OR1A2: variants seen among roughly 807,000 people sequenced by gnomAD.
OR1A2 encodes olfactory receptor family 1 subfamily A member 2, also known as olfactory receptor 1A2.
For synonymous variants in OR1A2, 131 were observed against 140.0 expected, an observed-to-expected ratio of 0.94 and a Z score of 0.46; for missense variants, 354 against 372.8, an observed-to-expected ratio of 0.95 and a Z score of 0.42.
At position 3,197,701 on chromosome 17, in the gene OR1A2, T is replaced by C. The variant is rs1280807767; in HGVS notation, c.183T>C (p.Phe61=). The C allele has an allele frequency of 6.3e-7, 1 of 1,589,848 alleles. No homozygotes were observed. Among genetic ancestry groups the C allele is most frequent in the African/African-American group, 1.3e-5 (1 of 74,480 alleles). Reference sequence around the variant, plus strand: ...TTCGCCTTCACAACCCCATGTATTTTCTCCTTGCCAACCTCTCCTTGGTTG... The same window carrying C: ...TTCGCCTTCACAACCCCATGTATTTCCTCCTTGCCAACCTCTCCTTGGTTG... The part of the protein sequence containing the change: ...ADIRLHNPMY[F]LLANLSLVDI... The change falls in exon 1 of 1, where the codon TTT becomes TTC. Residue 61 remains phenylalanine, a synonymous_variant. Transcript: ENST00000381951.
chr17:3,198,377 A>C lies in OR1A2; in HGVS notation c.859A>C (p.Ile287Leu), dbSNP rs140544152. Residue 287 changes from isoleucine (I) to leucine (L), a missense_variant, in exon 1 of 1, where the codon ATC becomes CTC. Ile to Leu is a conservative substitution (Grantham distance 5). Transcript: ENST00000381951. ...AGTGACCCCAGCATTAAATCCTTTC[A>C]TCTATAGTCTGAGAAATTGGGATAT... is the stretch of plus-strand genomic sequence containing the variant. The part of the protein sequence containing the change: ...VAVTPALNPF[I>L]YSLRNWDMKA... 6.2e-7 allele frequency: 1 copy of C among 1,613,972 alleles called. No homozygotes were observed. The highest frequency in any genetic ancestry group is 2.2e-5 in the East Asian group (1 of 44,898).
At position 3,198,109 on chromosome 17, in the gene OR1A2, G is replaced by A. The variant is rs2048370922; in HGVS notation, c.591G>A (p.Lys197=). The A allele has an allele frequency of 3.7e-6, 6 of 1,611,382 alleles. No homozygotes were observed. The highest frequency in any genetic ancestry group is 5.1e-6 in the Non-Finnish European group (6 of 1,178,800). ...GTTCTGACGTCCACTTTAATGTGAA[G>A]ATGATGTACCTAGGGGTCGGCGTTT... ...LSCSDVHFNV[K]MMYLGVGVFS... The change falls in exon 1 of 1, where the codon AAG becomes AAA. Residue 197 remains lysine (K), a synonymous_variant. Transcript: ENST00000381951.
rs1567521347 is a variant in OR1A2 at position 3,197,859 on chromosome 17, C to T, written c.341C>T (p.Thr114Ile). 6.2e-7 allele frequency: 1 copy of T among 1,612,394 alleles called. No homozygotes were observed. Among genetic ancestry groups the T allele is most frequent in the Non-Finnish European group, 8.5e-7 (1 of 1,179,032 alleles). Reference protein sequence around the residue: ...MIALAKADSYTLAAMAYDRAV... With the variant: ...MIALAKADSYILAAMAYDRAV... ...GCCTTGGCCAAGGCAGACAGCTATA[C>T]CTTGGCTGCAATGGCATACGATCGA... is the stretch of plus-strand genomic sequence containing the variant. Residue 114 changes from threonine (T) to isoleucine (I), a missense_variant, in exon 1 of 1, where the codon ACC (threonine) becomes ATC (isoleucine). By Grantham distance (89) the Thr-to-Ile change is moderately conservative. Transcript: ENST00000381951.
rs1212874858 is a variant in OR1A2, at chr17:3,197,958, G to C, written c.440G>C (p.Gly147Ala). Residue 147 changes from glycine (G) to alanine (A), a missense_variant, in exon 1 of 1, where the codon GGG (glycine) becomes GCG (alanine). By Grantham distance (60) the Gly-to-Ala change is moderately conservative. Transcript: ENST00000381951. ...SPRSCILLIA[G>A]SWVIGNTSAL... ...CGGTCTTGTATCCTGCTTATTGCTG[G>C]GTCTTGGGTGATTGGAAACACCAGT... 8 of 1,613,890 alleles carry C rather than the reference G, an allele frequency of 5.0e-6. No homozygotes were observed. The highest frequency in any genetic ancestry group is 5.9e-6 in the Non-Finnish European group (7 of 1,180,000).
chr17:3,197,769 A>G lies in OR1A2; in HGVS notation c.251A>G (p.Asn84Ser). Reference protein sequence around the residue: ...SSVTIPKVLANHLLGSKFISF... With the variant: ...SSVTIPKVLASHLLGSKFISF... ...GTAACCATCCCTAAGGTGCTGGCCA[A>G]CCATCTCTTGGGGAGCAAGTTCATC... The change falls in exon 1 of 1, where the codon AAC becomes AGC. Residue 84 changes from asparagine (N) to serine (S), a missense_variant. Coordinates refer to ENST00000381951, the MANE Select transcript of OR1A2 (RefSeq NM_012352.3). The G allele has an allele frequency of 6.3e-7, 1 of 1,596,796 alleles. No homozygotes were observed. The highest frequency in any genetic ancestry group is 8.5e-7 in the Non-Finnish European group (1 of 1,170,792).
chr17:3,198,217 A>G lies in OR1A2; in HGVS notation c.699A>G (p.Leu233=). 1 of 1,613,920 alleles carries G rather than the reference A, an allele frequency of 6.2e-7. No homozygotes were observed. The highest frequency in any genetic ancestry group is 1.1e-5 in the South Asian group (1 of 91,036). ...TVFQVPSTKS[L]FKAFCTCGSH... ...TCCAAGTTCCATCTACCAAGAGTCT[A>G]TTCAAAGCCTTCTGCACCTGTGGCT... The change falls in exon 1 of 1, where the codon CTA becomes CTG. Residue 233 remains leucine, a synonymous_variant. Coordinates refer to ENST00000381951, the MANE Select transcript of OR1A2 (RefSeq NM_012352.3).
Position 3,197,615 on chromosome 17 carries a change from TG to T in OR1A2, c.98del (p.Cys33SerfsTer7), listed in dbSNP as rs2048366244. 6.2e-7 allele frequency: 1 copy of T among 1,612,730 alleles called. No homozygotes were observed. The highest frequency in any genetic ancestry group is 1.3e-5 in the African/African-American group (1 of 74,886). On this transcript the variant is annotated frameshift_variant, in exon 1 of 1. Transcript: ENST00000381951. LOFTEE classifies it low-confidence loss of function (END_TRUNC). Reference sequence around the variant, plus strand: ...TAATGTCTTCTTTGTGATTTTTTTGTGCATTTACCCCATCACACTGACTGGA... The same window carrying T: ...TAATGTCTTCTTTGTGATTTTTTTGTCATTTACCCCATCACACTGACTGGA... ...QNNVFFVIFLCIYPITLTGNL... is the reference protein window; with the variant it reads ...QNNVFFVIFLXIYPITLTGNL...
Position 3,198,214 on chromosome 17 carries a change from T to A in OR1A2, c.696T>A (p.Ser232Arg). The change falls in exon 1 of 1, where the codon AGT (serine) becomes AGA (arginine). Residue 232 changes from serine (S) to arginine (R), a missense_variant. By Grantham distance (110) the Ser-to-Arg change is moderately radical. Transcript: ENST00000381951. ...STVFQVPSTK[S>R]LFKAFCTCGS... is the part of the protein sequence containing the mutation. ...TCTTCCAAGTTCCATCTACCAAGAG[T>A]CTATTCAAAGCCTTCTGCACCTGTG... is the stretch of plus-strand genomic sequence containing the variant. 1.2e-6 allele frequency: 2 copies of A among 1,613,632 alleles called. No individual in the cohort carries two copies. Among genetic ancestry groups the A allele is most frequent in the South Asian group, 2.2e-5 (2 of 91,028 alleles).
In OR1A2 at chr17:3,197,539, C is replaced by A; in HGVS notation, c.21C>A (p.Ser7=). The part of the protein sequence containing the change: MKKENQ[S]FNLDFILLGV... Reference sequence around the variant, plus strand: ...AAGCCATGAAGAAAGAAAATCAATCCTTTAACCTGGATTTTATTCTCCTGG... The same window carrying A: ...AAGCCATGAAGAAAGAAAATCAATCATTTAACCTGGATTTTATTCTCCTGG... The change falls in exon 1 of 1, where the codon TCC becomes TCA. Residue 7 remains serine, a synonymous_variant. Transcript: ENST00000381951. The A allele has an allele frequency of 6.2e-7, 1 of 1,607,636 alleles. No individual in the cohort carries two copies.
At position 3,197,778 on chromosome 17, in the gene OR1A2, T is replaced by G. The variant is rs1292794912; in HGVS notation, c.260T>G (p.Leu87Trp). 6.3e-7 allele frequency: 1 copy of G among 1,599,918 alleles called. No individual in the cohort carries two copies. The highest frequency in any genetic ancestry group is 8.5e-7 in the Non-Finnish European group (1 of 1,172,304). The change falls in exon 1 of 1, where the codon TTG becomes TGG. Residue 87 changes from leucine to tryptophan, a missense_variant. Physicochemically the swap from Leu to Trp is moderately conservative, Grantham distance 61. Transcript: ENST00000381951. The stretch of plus-strand genomic sequence containing the variant: ...CCTAAGGTGCTGGCCAACCATCTCT[T>G]GGGGAGCAAGTTCATCTCCTTTGGG... The part of the protein sequence containing the change: ...TIPKVLANHL[L>W]GSKFISFGGC...
At position 3,198,284 on chromosome 17, in the gene OR1A2, G is replaced by A. The variant is rs2241091; in HGVS notation, c.766G>A (p.Gly256Ser). 8 of 1,613,786 alleles carry A rather than the reference G, an allele frequency of 5.0e-6. No homozygotes were observed. The highest frequency in any genetic ancestry group is 1.3e-5 in the African/African-American group (1 of 74,850). Reference sequence around the variant, plus strand: ...TTTTTTATATTATGGTACAACGATGGGCATGTATTTCCGCCCTCTGACCAG... The same window carrying A: ...TTTTTTATATTATGGTACAACGATGAGCATGTATTTCCGCCCTCTGACCAG... ...VVFLYYGTTMGMYFRPLTSYS... is the reference protein window; with the variant it reads ...VVFLYYGTTMSMYFRPLTSYS... The change falls in exon 1 of 1, where the codon GGC (glycine) becomes AGC (serine). Residue 256 changes from glycine to serine, a missense_variant. Physicochemically the swap from Gly to Ser is moderately conservative, Grantham distance 56 (BLOSUM62 0). Transcript: ENST00000381951.
Position 3,198,221 on chromosome 17 carries a change from A to G in OR1A2, c.703A>G (p.Lys235Glu). 6.2e-7 allele frequency: 1 copy of G among 1,613,944 alleles called. No individual in the cohort carries two copies. The highest frequency in any genetic ancestry group is 8.5e-7 in the Non-Finnish European group (1 of 1,179,936). The change falls in exon 1 of 1, where the codon AAA (lysine) becomes GAA (glutamate). Residue 235 changes from lysine (K) to glutamate (E), a missense_variant. Physicochemically the swap from Lys to Glu is moderately conservative, Grantham distance 56 (BLOSUM62 1). Coordinates refer to ENST00000381951, the MANE Select transcript of OR1A2 (RefSeq NM_012352.3). ...FQVPSTKSLF[K>E]AFCTCGSHLT... is the part of the protein sequence containing the mutation. ...AGTTCCATCTACCAAGAGTCTATTCAAAGCCTTCTGCACCTGTGGCTCCCA... is the reference window on the plus strand; with the variant it reads ...AGTTCCATCTACCAAGAGTCTATTCGAAGCCTTCTGCACCTGTGGCTCCCA...
In OR1A2 at chr17:3,197,987, C is replaced by G. The variant is rs1363268162; in HGVS notation, c.469C>G (p.Leu157Val). Residue 157 changes from leucine (L) to valine (V), a missense_variant, in exon 1 of 1, where the codon CTC becomes GTC. Transcript: ENST00000381951. The part of the protein sequence containing the change: ...GSWVIGNTSA[L>V]PHTLLTASLS... The stretch of plus-strand genomic sequence containing the variant: ...TTGGGTGATTGGAAACACCAGTGCT[C>G]TCCCCCACACTCTGCTCACAGCTAG... 2.5e-6 allele frequency: 4 copies of G among 1,613,736 alleles called. No homozygotes were observed. Among genetic ancestry groups the G allele is most frequent in the Non-Finnish European group, 2.5e-6 (3 of 1,179,796 alleles).
At position 3,198,089 on chromosome 17, in the gene OR1A2, G is replaced by C; in HGVS notation, c.571G>C (p.Asp191His). ...GCCTTTGCTGAAGTTGTCCTGTTCTGACGTCCACTTTAATGTGAAGATGAT... is the reference window on the plus strand; with the variant it reads ...GCCTTTGCTGAAGTTGTCCTGTTCTCACGTCCACTTTAATGTGAAGATGAT... ...IMPLLKLSCS[D>H]VHFNVKMMYL... Residue 191 changes from aspartate (D) to histidine (H), a missense_variant, in exon 1 of 1, where the codon GAC (aspartate) becomes CAC (histidine). Coordinates refer to ENST00000381951, the MANE Select transcript of OR1A2 (RefSeq NM_012352.3). The C allele has an allele frequency of 1.2e-6, 2 of 1,609,968 alleles. No individual in the cohort carries two copies. Among genetic ancestry groups the C allele is most frequent in the Non-Finnish European group, 1.7e-6 (2 of 1,178,062 alleles).
Position 3,197,873 on chromosome 17 carries a change from G to T in OR1A2, c.355G>T (p.Ala119Ser), listed in dbSNP as rs755835186. Residue 119 changes from alanine to serine, a missense_variant, in exon 1 of 1, where the codon GCA (alanine) becomes TCA (serine). Coordinates refer to ENST00000381951, the MANE Select transcript of OR1A2 (RefSeq NM_012352.3). ...AGACAGCTATACCTTGGCTGCAATG[G>T]CATACGATCGAGCTGTGGCCATCAG... Reference protein sequence around the residue: ...KADSYTLAAMAYDRAVAISCP... With the variant: ...KADSYTLAAMSYDRAVAISCP... The T allele has an allele frequency of 6.2e-7, 1 of 1,612,792 alleles. No homozygotes were observed. Among genetic ancestry groups the T allele is most frequent in the South Asian group, 1.1e-5 (1 of 90,918 alleles).
rs2241093 is a variant in OR1A2, at chr17:3,197,533, T to C, written c.15T>C (p.Asn5=). ...CTGAAGAAGCCATGAAGAAAGAAAATCAATCCTTTAACCTGGATTTTATTC... is the reference window on the plus strand; with the variant it reads ...CTGAAGAAGCCATGAAGAAAGAAAACCAATCCTTTAACCTGGATTTTATTC... MKKE[N]QSFNLDFILL... is the part of the protein sequence containing the mutation. Residue 5 remains asparagine, a synonymous_variant, in exon 1 of 1, where the codon AAT becomes AAC. Coordinates refer to ENST00000381951, the MANE Select transcript of OR1A2 (RefSeq NM_012352.3). 0.36 allele frequency: 570,236 copies of C among 1,598,110 alleles called. 106,509 individuals carry two copies. Among genetic ancestry groups the C allele is most frequent in the East Asian group, 0.53 (23,856 of 44,774 alleles).
chr17:3,197,704 C>T lies in OR1A2; in HGVS notation c.186C>T (p.Leu62=). 6.3e-7 allele frequency: 1 copy of T among 1,588,338 alleles called. No individual in the cohort carries two copies. Among genetic ancestry groups the T allele is most frequent in the Non-Finnish European group, 8.6e-7 (1 of 1,167,570 alleles). ...GCCTTCACAACCCCATGTATTTTCT[C>T]CTTGCCAACCTCTCCTTGGTTGACA... ...DIRLHNPMYF[L]LANLSLVDII... Residue 62 remains leucine, a synonymous_variant, in exon 1 of 1, where the codon CTC becomes CTT. Transcript: ENST00000381951.
In OR1A2 at chr17:3,198,016, G is replaced by A. The variant is rs780993750; in HGVS notation, c.498G>A (p.Leu166=). ...CCCACACTCTGCTCACAGCTAGTTT[G>A]TCCTTCTGTGGCAACCAGGAAGTAG... is the stretch of plus-strand genomic sequence containing the variant. ...ALPHTLLTAS[L]SFCGNQEVAN... is the part of the protein sequence containing the mutation. The change falls in exon 1 of 1, where the codon TTG becomes TTA. Residue 166 remains leucine (L), a synonymous_variant. Transcript: ENST00000381951. 1 of 1,612,414 alleles carries A rather than the reference G, an allele frequency of 6.2e-7. No homozygotes were observed. Among genetic ancestry groups the A allele is most frequent in the Non-Finnish European group, 8.5e-7 (1 of 1,178,996 alleles).
rs1378320679 is a variant in OR1A2 at position 3,198,389 on chromosome 17, A to G, written c.871A>G (p.Arg291Gly). ...ATTAAATCCTTTCATCTATAGTCTGAGAAATTGGGATATGAAGGCAGCCCT... is the reference window on the plus strand; with the variant it reads ...ATTAAATCCTTTCATCTATAGTCTGGGAAATTGGGATATGAAGGCAGCCCT... The part of the protein sequence containing the change: ...PALNPFIYSL[R>G]NWDMKAALQK... The change falls in exon 1 of 1, where the codon AGA (arginine) becomes GGA (glycine). Residue 291 changes from arginine (R) to glycine (G), a missense_variant. By Grantham distance (125) the Arg-to-Gly change is moderately radical. Coordinates refer to ENST00000381951, the MANE Select transcript of OR1A2 (RefSeq NM_012352.3). 6.2e-7 allele frequency: 1 copy of G among 1,614,084 alleles called. No homozygotes were observed. The highest frequency in any genetic ancestry group is 1.7e-5 in the Admixed American group (1 of 59,998).
Sources: allele counts gnomAD v4.1 joint callset, GRCh38; gene constraint gnomAD v4.1.1; transcripts MANE v1.5; gene names NCBI Gene and HGNC (gene_info 2026-07-23, HGNC 2026-07-21).